Variants in MAP1LC3B2 observed in about 807,000 individuals in gnomAD.
MAP1LC3B2 encodes the protein microtubule-associated protein 1 light chain 3 beta 2.
For missense variants in MAP1LC3B2, 155 were observed against 154.6 expected (o/e 1.00, Z -0.01); for synonymous variants, 62 against 57.8 (o/e 1.07, Z -0.33).
intron 1 of MAP1LC3B2, among the ~76,000 whole-genome samples, chr12:116,567,758 AT>A (rs1373184574): frequency 2.0e-4 from 30 of 151,476 alleles, no homozygotes; most frequent in African/African-American, 7.3e-4. Context: ...AAAAATAAAA[AT>A]AAAAAAATAT....
chr12:116,559,761 A>C (rs958393215), intron 1 of MAP1LC3B2: 1 of 152,236 alleles, frequency 6.6e-6, no homozygotes, highest in East Asian at 1.9e-4. Flanking sequence ...ACCCTCCAGC[A>C]TACTGGTCCA....
chr12:116,565,386 C>T (rs113288401), intron 1 of MAP1LC3B2, among the ~76,000 whole-genome samples: 17,219 of 152,190 alleles, frequency 0.11, 1,296 homozygotes, highest in African/African-American at 0.21. Flanking sequence ...GAATGAGAAA[C>T]GAAGCGAAAC....
At chr12:116,574,659 A>G (rs565872127) in intron 1 of MAP1LC3B2, among the ~76,000 whole-genome samples, 42 of 151,918 alleles carry the variant, frequency 2.8e-4, no homozygotes, top group Middle Eastern at 3.4e-3. Flanking sequence ...AAGAAAGAAA[A>G]AAAAAAAGCA....
chr12:116,570,873 C>T (rs1869511152), intron 1 of MAP1LC3B2, among the ~76,000 whole-genome samples: 1 of 152,176 alleles, frequency 6.6e-6, no homozygotes, highest in Non-Finnish European at 1.5e-5. Context: ...AGTCGAGAAG[C>T]ACCTGTGTAA....
intron 1 of MAP1LC3B2, among the ~76,000 whole-genome samples, chr12:116,572,996 C>G (rs1391082950): frequency 6.6e-6 from 1 of 152,158 alleles, no homozygotes; most frequent in Non-Finnish European, 1.5e-5. Flanking sequence ...ACGATCTTGG[C>G]TCACCGCAAC....
rs1869672557 is a variant in MAP1LC3B2, at chr12:116,576,135, A to C, written c.193A>C (p.Lys65Gln). 1.9e-6 allele frequency: 3 copies of C among 1,614,184 alleles called. No homozygotes were observed. Among genetic ancestry groups the C allele is most frequent in the Non-Finnish European group, 2.5e-6 (3 of 1,180,030 alleles). Residue 65 changes from lysine (K) to glutamine (Q), a missense_variant, in exon 2 of 2, where the codon AAG becomes CAG. Transcript: ENST00000556529. Reference protein sequence around the residue: ...PDHVNMSELIKIIRRRLQLNA... With the variant: ...PDHVNMSELIQIIRRRLQLNA... The stretch of plus-strand genomic sequence containing the variant: ...CCATGTCAACATGAGTGAGCTCATC[A>C]AGATAATTAGAAGGCGCTTACAGCT...
chr12:116,574,168 A>G (rs888184495), intron 1 of MAP1LC3B2, among the ~76,000 whole-genome samples: 13 of 152,104 alleles, frequency 8.5e-5, no homozygotes, highest in African/African-American at 3.1e-4. Context: ...TTCTGAGAAT[A>G]TATCCACCAG....
chr12:116,562,956 C>CTTTAT (rs1244034214), intron 1 of MAP1LC3B2, among the ~76,000 whole-genome samples: 229 of 152,118 alleles, frequency 1.5e-3, no homozygotes, highest in African/African-American at 4.6e-3. Context: ...CAAACAAGAA[C>CTTTAT]TTTATTTTAT....
At chr12:116,572,098 C>T (rs1869552809) in intron 1 of MAP1LC3B2, among the ~76,000 whole-genome samples, 1 of 152,086 alleles carries the variant, frequency 6.6e-6, no homozygotes, top group Admixed American at 6.5e-5. Context: ...TCTCTATAGA[C>T]ATCAGACAAG....
At chr12:116,562,723 C>T (rs898991781) in intron 1 of MAP1LC3B2, among the ~76,000 whole-genome samples, 6 of 152,204 alleles carry the variant, frequency 3.9e-5, no homozygotes, top group African/African-American at 1.4e-4. Flanking sequence ...CATTTTCTCA[C>T]AGTTGCTTCA....
At chr12:116,560,204 A>ATATATATATATATATGTATGTATATG (rs1869221585) in intron 1 of MAP1LC3B2, 1 of 43,668 alleles carries the variant, frequency 2.3e-5, no homozygotes, top group Non-Finnish European at 4.6e-5. Flanking sequence ...ATATATATAT[A>ATATATATATATATATGTATGTATATG]TATATATATA....
intron 1 of MAP1LC3B2, among the ~76,000 whole-genome samples, chr12:116,565,200 G>A (rs1869357785): frequency 6.6e-6 from 1 of 152,224 alleles, no homozygotes; most frequent in African/African-American, 2.4e-5. Flanking sequence ...TGGAGATCCA[G>A]GGTGTCTTAG....
In MAP1LC3B2 at chr12:116,571,458, C is replaced by CTTTTTTTTT. The variant is rs71095564; in HGVS notation, c.-101-4352_-101-4344dup. Among the ~76,000 whole-genome samples, 136 of 48,112 alleles carry CTTTTTTTTT rather than the reference C, an allele frequency of 2.8e-3. 25 individuals carry two copies. Among genetic ancestry groups the CTTTTTTTTT allele is most frequent in the Admixed American group, 5.7e-3 (14 of 2,474 alleles). 31.6% of individuals were successfully genotyped at this position (48,112 alleles called of 152,430 possible). A position where few individuals can be genotyped will look rare whatever the true frequency, so the allele number is the denominator to read the frequency against. ...TAGATGGGAGTAAGGGACTGCTGTTCTTTTTTTTTTTTTTTTTTTTTTTTT... is the reference window on the plus strand; with the variant it reads ...TAGATGGGAGTAAGGGACTGCTGTTCTTTTTTTTTTTTTTTTTTTTTTTTTTTTTTTTTT... On this transcript the variant is annotated intron_variant, in intron 1 of 1. Transcript: ENST00000556529.
chr12:116,571,999 C>CCTTTA (rs1327924574), intron 1 of MAP1LC3B2, among the ~76,000 whole-genome samples: 5 of 150,174 alleles, frequency 3.3e-5, no homozygotes, highest in Non-Finnish European at 5.9e-5. Context: ...AACTTGTCCT[C>CCTTTA]TTACATTGCA....
In MAP1LC3B2 at chr12:116,575,923, G is replaced by A. The variant is rs374196587; in HGVS notation, c.-20G>A. 3 of 1,587,972 alleles carry A rather than the reference G, an allele frequency of 1.9e-6. No homozygotes were observed. The highest frequency in any genetic ancestry group is 2.6e-6 in the Non-Finnish European group (3 of 1,158,308). ...CCGGGACCCTCGCGTCGTCGCCGCC[G>A]CGGCCCAGATCCCCACACCATGCCG... On this transcript the variant is annotated 5_prime_UTR_variant, in exon 2 of 2. Transcript: ENST00000556529.
intron 1 of MAP1LC3B2, among the ~76,000 whole-genome samples, chr12:116,570,778 C>G (rs1869508828): frequency 2.0e-5 from 3 of 152,160 alleles, no homozygotes; most frequent in Admixed American, 6.6e-5. Flanking sequence ...CAAAGTAATA[C>G]TCTAGGCTAA....
chr12:116,560,187 GCT>G (rs1491404483), intron 1 of MAP1LC3B2: 7 of 81,474 alleles, frequency 8.6e-5, no homozygotes, highest in African/African-American at 2.0e-4. Flanking sequence ...GCTAAGTTTG[GCT>G]ATATATATAT....
intron 1 of MAP1LC3B2, among the ~76,000 whole-genome samples, chr12:116,565,243 G>A (rs1869358569): frequency 1.3e-5 from 2 of 152,282 alleles, no homozygotes; most frequent in East Asian, 1.9e-4. Flanking sequence ...AGACATACTC[G>A]AGACTGGGCA....
At chr12:116,572,333 C>A (rs1006667909) in intron 1 of MAP1LC3B2, among the ~76,000 whole-genome samples, 1 of 151,360 alleles carries the variant, frequency 6.6e-6, no homozygotes. Context: ...AGAATCAAAA[C>A]GTATCTAGTC....
Sources: allele counts gnomAD v4.1 joint callset (sites outside exome capture counted in the v4.1 genomes callset), GRCh38; gene constraint gnomAD v4.1.1; transcripts MANE v1.5; gene names NCBI Gene and HGNC (gene_info 2026-07-23, HGNC 2026-07-21).